The following TTC6 variants were observed in gnomAD, a reference collection of about 807,000 sequenced individuals.
The protein encoded by TTC6 is tetratricopeptide repeat domain 6, also known as tetratricopeptide repeat protein 6.
TTC6 carries 172 observed loss-of-function variants against 210.4 expected under a neutral mutation model. The ratio of observed to expected loss-of-function variants is 0.82; its 90% confidence interval spans 0.72 to 0.93. TTC6 has a LOEUF of 0.93. Ranked by LOEUF, TTC6 falls within the 40% of genes least tolerant of loss-of-function variation. The pLI is 0.00. For synonymous variants in TTC6, 804 were observed against 819.6 expected (o/e 0.98, Z 0.32); for missense variants, 2,414 against 2,318.1 (o/e 1.04, Z -0.85).
At chr14:37,678,848 T>TA (rs1168203907) in intron 1 of TTC6, among the ~76,000 whole-genome samples, 1 of 152,160 alleles carries the variant, frequency 6.6e-6, no homozygotes, top group East Asian at 1.9e-4. Flanking sequence ...AGTAGAAAAA[T>TA]AAGAGTTTTA....
intron 10 of TTC6, among the ~76,000 whole-genome samples, chr14:37,744,806 C>T (rs1330520185): frequency 6.6e-6 from 1 of 152,022 alleles, no homozygotes; most frequent in African/African-American, 2.4e-5. Flanking sequence ...CCAGAAGGTT[C>T]GCTCTGGTTA....
intron 3 of TTC6, among the ~76,000 whole-genome samples, chr14:37,687,613 G>T (rs1026664331): frequency 2.0e-5 from 3 of 152,118 alleles, no homozygotes; most frequent in African/African-American, 7.2e-5. Flanking sequence ...GAGTGGGGAA[G>T]ACTTTGTTTT....
intron 11 of TTC6, 58 bp downstream of exon 13, chr14:37,749,459 A>G: frequency 3.7e-6 from 5 of 1,361,486 alleles, no homozygotes; most frequent in South Asian, 2.1e-5. Flanking sequence ...TTTTAATTGT[A>G]TAGTAATTTT....
At chr14:37,796,271 T>G in intron 18 of TTC6, 23 bp from the exon 21 acceptor site, 1 of 1,089,810 alleles carries the variant, frequency 9.2e-7, no homozygotes, top group East Asian at 2.7e-5. Flanking sequence ...CTGCTTAGAA[T>G]CAAAATCGAT....
intron 14 of TTC6, among the ~76,000 whole-genome samples, chr14:37,768,037 G>C (rs2096004921): frequency 1.3e-5 from 2 of 150,668 alleles, no homozygotes; most frequent in African/African-American, 4.8e-5. Flanking sequence ...AGTTTTCCCA[G>C]CACCATTTAT....
intron 28 of TTC6, 99 bp from the exon 31 acceptor site, chr14:37,827,096 AT>A (rs2096173588): frequency 1.0e-6 from 1 of 973,364 alleles, no homozygotes; most frequent in South Asian, 2.6e-5. Flanking sequence ...AAAATTACTC[AT>A]TTCCCACAAG....
At chr14:37,711,972 T>C (rs1468790078) in intron 5 of TTC6, among the ~76,000 whole-genome samples, 1 of 152,106 alleles carries the variant, frequency 6.6e-6, no homozygotes, top group Non-Finnish European at 1.5e-5. Flanking sequence ...AAGAGAACTC[T>C]AGAAAGGGTT....
exon 11 of TTC6, chr14:37,749,398 G>A: frequency 7.1e-7 from 1 of 1,415,706 alleles, no homozygotes; most frequent in Non-Finnish European, 9.2e-7. Flanking sequence ...ATGATCTGCA[G>A]AGAGTAAGTT....
chr14:37,820,111 C>T (rs1404682953), intron 26 of TTC6, among the ~76,000 whole-genome samples: 1 of 152,222 alleles, frequency 6.6e-6, no homozygotes, highest in Non-Finnish European at 1.5e-5. Context: ...TTAACAAGGA[C>T]TTCAACCTGT....
intron 27 of TTC6, 122 bp downstream of exon 29, chr14:37,824,079 CT>C: frequency 6.3e-6 from 6 of 947,072 alleles, no homozygotes; most frequent in South Asian, 3.4e-5. Context: ...CTTTTCTTTA[CT>C]TTTAGGTTCC....
intron 1 of TTC6, among the ~76,000 whole-genome samples, chr14:37,602,979 A>T (rs1017673077): frequency 6.6e-6 from 1 of 152,104 alleles, no homozygotes; most frequent in Non-Finnish European, 1.5e-5. Context: ...CACCCCCGCC[A>T]AGAGAAGTAG....
intron 10 of TTC6, among the ~76,000 whole-genome samples, chr14:37,745,383 T>C (rs991799151): frequency 6.6e-6 from 1 of 152,152 alleles, no homozygotes; most frequent in African/African-American, 2.4e-5. Flanking sequence ...TTCAAGTCTC[T>C]GATGGTGCCA....
chr14:37,717,818 G>A (rs930118104), intron 6 of TTC6, among the ~76,000 whole-genome samples: 2 of 152,174 alleles, frequency 1.3e-5, no homozygotes, highest in Admixed American at 1.3e-4. Flanking sequence ...TGGTTCAAAT[G>A]TTTGTCTCCT....
Position 37,683,035 on chromosome 14 carries a change from G to C in TTC6, c.1257+71G>C, listed in dbSNP as rs897896651. ...GAGGATGTGCAGGTGTGAAGAATTG[G>C]CCCAGGCAAGGACCAACGTATGGGG... is the stretch of plus-strand genomic sequence containing the variant. On this transcript the variant is annotated intron_variant, in intron 3 of 30. Coordinates refer to ENST00000553443, the Ensembl canonical transcript of TTC6. 5 of 1,429,144 alleles carry C rather than the reference G, an allele frequency of 3.5e-6. No homozygotes were observed. The African/African-American group carries it at 4.2e-5, about 12-fold the overall frequency. The allele number at this position is 1,429,144 out of a possible 1,614,324, so 88.5% of individuals were successfully genotyped here. A position where few individuals can be genotyped will look rare whatever the true frequency, so the allele number is the denominator to read the frequency against.
chr14:37,824,852 G>A (rs1346726234), intron 27 of TTC6, among the ~76,000 whole-genome samples: 2 of 152,120 alleles, frequency 1.3e-5, no homozygotes, highest in Non-Finnish European at 2.9e-5. Flanking sequence ...AGAGACAAGA[G>A]GGCCCAAGTG....
intron 7 of TTC6, among the ~76,000 whole-genome samples, chr14:37,732,956 G>A (rs947861605): frequency 1.3e-5 from 2 of 152,142 alleles, no homozygotes; most frequent in African/African-American, 4.8e-5. Context: ...AAGAAGAGGG[G>A]TTGATTTTGC....
chr14:37,839,859 T>C (rs993259379), intron 29 of TTC6, among the ~76,000 whole-genome samples: 6 of 152,228 alleles, frequency 3.9e-5, no homozygotes, highest in African/African-American at 1.4e-4. Flanking sequence ...CTCAGCTTTC[T>C]GCATATGGCT....
intron 13 of TTC6, 31 bp downstream of exon 15, chr14:37,751,256 T>TA: frequency 6.8e-7 from 1 of 1,472,252 alleles, no homozygotes; most frequent in Non-Finnish European, 9.0e-7. Flanking sequence ...TTCTACCATT[T>TA]ATATAGTTTA....
intron 1 of TTC6, among the ~76,000 whole-genome samples, chr14:37,627,583 T>G (rs1175409547): frequency 6.6e-6 from 1 of 152,142 alleles, no homozygotes; most frequent in African/African-American, 2.4e-5. Flanking sequence ...GTTAGTTTGC[T>G]GAGAATGATG....
Sources: gnomAD v4.1 joint callset for allele counts (sites outside exome capture counted in the v4.1 genomes callset) on GRCh38, gnomAD v4.1.1 for gene constraint, MANE v1.5 for transcripts, NCBI Gene and HGNC (gene_info 2026-07-23, HGNC 2026-07-21) for gene names.